SUGCT: variants seen among roughly 807,000 people sequenced by gnomAD.
The protein encoded by SUGCT is succinyl-CoA:glutarate-CoA transferase.
SUGCT carries 41 observed loss-of-function variants against 55.0 expected under a neutral mutation model. The ratio of observed to expected loss-of-function variants is 0.74; its 90% confidence interval spans 0.58 to 0.97. The LOEUF (loss-of-function observed/expected upper bound fraction) is 0.97, where lower values mean the gene tolerates loss of function less well. Among genes scored for constraint, SUGCT ranks in the 50% least tolerant of loss-of-function variants. The pLI, the probability that SUGCT is intolerant of heterozygous loss-of-function variation, is 0.00. For missense variants in SUGCT, 568 were observed against 547.8 expected, an observed-to-expected ratio of 1.04 and a Z score of -0.37; for synonymous variants, 187 against 200.4, an observed-to-expected ratio of 0.93 and a Z score of 0.56.
Position 40,209,347 on chromosome 7 carries a change from A to C in SUGCT, c.484+14287A>C, listed in dbSNP as rs1240246390. On this transcript the variant is annotated intron_variant, in intron 6 of 13. Transcript: ENST00000335693. The stretch of plus-strand genomic sequence containing the variant: ...TCCCATCTCTACTAAAAATACAAAA[A>C]ATTAGCCGAGCGTGGTGGCACTTGC... Among the ~76,000 whole-genome samples, 4 of 152,078 alleles carry C rather than the reference A, an allele frequency of 2.6e-5. No individual in the cohort carries two copies. In the East Asian group the frequency reaches 7.7e-4, roughly 29 times the overall value.
At chr7:40,926,148 A>T in the SUGCT span, among the ~76,000 whole-genome samples, 1 of 152,092 alleles carries the variant, frequency 6.6e-6, no homozygotes, top group African/African-American at 2.4e-5. Flanking sequence ...TTAAGAACTT[A>T]CTACTGATGC....
At chr7:40,337,759 C>T (rs1377870327) in intron 9 of SUGCT, among the ~76,000 whole-genome samples, 1 of 151,862 alleles carries the variant, frequency 6.6e-6, no homozygotes, top group Non-Finnish European at 1.5e-5. Context: ...TTTAAGGTTA[C>T]TATTGTTATA....
intron 12 of SUGCT, among the ~76,000 whole-genome samples, chr7:40,657,700 A>G (rs1394691756): frequency 6.6e-6 from 1 of 152,084 alleles, no homozygotes; most frequent in Non-Finnish European, 1.5e-5. Flanking sequence ...AGGCCCAGCT[A>G]ATTTTTTGTA....
intron 12 of SUGCT, among the ~76,000 whole-genome samples, chr7:40,566,458 G>A (rs1796159101): frequency 6.6e-6 from 1 of 152,114 alleles, no homozygotes; most frequent in African/African-American, 2.4e-5. Flanking sequence ...TGAAATTTCA[G>A]AATTGAATCA....
At chr7:40,653,481 A>G (rs887894813) in intron 12 of SUGCT, among the ~76,000 whole-genome samples, 13 of 152,336 alleles carry the variant, frequency 8.5e-5, no homozygotes, top group African/African-American at 3.1e-4. Flanking sequence ...ACTCTGTGAC[A>G]GTTGTATACA....
Position 40,609,815 on chromosome 7 carries a change from G to A in SUGCT, c.1089+113429G>A, listed in dbSNP as rs1052923990. Among the ~76,000 whole-genome samples, 7 of 152,054 alleles carry A rather than the reference G, an allele frequency of 4.6e-5. No individual in the cohort carries two copies. In the South Asian group the frequency reaches 6.2e-4, roughly 13 times the overall value. ...TCTCTTTCTGAGTTCTTGATAAGTCGACATTTCAAAACGCTAAGTGATTTG... is the reference window on the plus strand; with the variant it reads ...TCTCTTTCTGAGTTCTTGATAAGTCAACATTTCAAAACGCTAAGTGATTTG... On this transcript the variant is annotated intron_variant, in intron 12 of 13. Transcript: ENST00000335693.
intron 9 of SUGCT, among the ~76,000 whole-genome samples, chr7:40,415,341 C>G (rs909089765): frequency 8.8e-5 from 13 of 148,158 alleles, no homozygotes; most frequent in Non-Finnish European, 1.6e-4. Flanking sequence ...TTAGTATTGT[C>G]TTCTCTGATT....
At chr7:40,756,570 A>G (rs1788262860) in intron 13 of SUGCT, among the ~76,000 whole-genome samples, 1 of 152,162 alleles carries the variant, frequency 6.6e-6, no homozygotes, top group Non-Finnish European at 1.5e-5. Context: ...CTGAAATCAC[A>G]TGTCCTCAAA....
intron 12 of SUGCT, among the ~76,000 whole-genome samples, chr7:40,626,878 G>A (rs761782231): frequency 3.9e-5 from 6 of 152,092 alleles, no homozygotes; most frequent in Admixed American, 2.0e-4. Flanking sequence ...TCCTTTCCCC[G>A]TGCATGTCTA....
chr7:40,657,913 G>T (rs989199555), intron 12 of SUGCT, among the ~76,000 whole-genome samples: 7 of 152,212 alleles, frequency 4.6e-5, no homozygotes, highest in African/African-American at 1.7e-4. Context: ...TGAAGCTTTT[G>T]CAGCTCTTCA....
downstream of SUGCT, among the ~76,000 whole-genome samples, chr7:40,865,660 G>C (rs1388173803): frequency 6.6e-6 from 1 of 152,186 alleles, no homozygotes; most frequent in South Asian, 2.1e-4. Flanking sequence ...AGTTCCATTA[G>C]GGCAGGAGCA....
chr7:40,554,301 G>A (rs568375805), intron 12 of SUGCT, among the ~76,000 whole-genome samples: 1 of 152,312 alleles, frequency 6.6e-6, no homozygotes, highest in East Asian at 1.9e-4. Flanking sequence ...TTCCCTAAAT[G>A]TAACAACAGA....
chr7:40,686,945 T>G (rs191651976), intron 12 of SUGCT, among the ~76,000 whole-genome samples: 6 of 152,106 alleles, frequency 3.9e-5, no homozygotes, highest in Non-Finnish European at 8.8e-5. Flanking sequence ...TTTTCAGTGT[T>G]ACCCTGCACA....
chr7:40,661,821 G>C (rs1358201176), intron 12 of SUGCT, among the ~76,000 whole-genome samples: 2 of 152,036 alleles, frequency 1.3e-5, no homozygotes, highest in African/African-American at 2.4e-5. Context: ...TTCTTTGCTG[G>C]CTTCTTTTTC....
intron 12 of SUGCT, among the ~76,000 whole-genome samples, chr7:40,634,447 A>G (rs1052429650): frequency 6.6e-6 from 1 of 152,212 alleles, no homozygotes; most frequent in African/African-American, 2.4e-5. Context: ...TGGTGCCTCC[A>G]TGTGATCCCA....
At chr7:41,004,593 G>A in the SUGCT span, among the ~76,000 whole-genome samples, 22 of 152,228 alleles carry the variant, frequency 1.4e-4, no homozygotes, top group Non-Finnish European at 2.8e-4. Flanking sequence ...CAGGTTCAGA[G>A]AGGAACTGCT....
intron 9 of SUGCT, among the ~76,000 whole-genome samples, chr7:40,378,384 G>A (rs1784709734): frequency 6.6e-6 from 1 of 152,120 alleles, no homozygotes; most frequent in African/African-American, 2.4e-5. Flanking sequence ...TTCTGCCACT[G>A]CAAATCTGCT....
chr7:40,211,753 T>G (rs1350069717), intron 6 of SUGCT, among the ~76,000 whole-genome samples: 5 of 152,082 alleles, frequency 3.3e-5, no homozygotes, highest in Non-Finnish European at 7.4e-5. Context: ...GCTTAATATG[T>G]TTTCTTCTCA....
chr7:40,194,317 A>T (rs1303744856), intron 5 of SUGCT, among the ~76,000 whole-genome samples: 1 of 152,202 alleles, frequency 6.6e-6, no homozygotes. Flanking sequence ...GCTGGAGTGC[A>T]GTGGCGCCAT....
Sources: allele counts gnomAD v4.1 joint callset (sites outside exome capture counted in the v4.1 genomes callset), GRCh38; gene constraint gnomAD v4.1.1; transcripts MANE v1.5; gene names NCBI Gene and HGNC (gene_info 2026-07-23, HGNC 2026-07-21).